Variants in SUCLG2 observed in about 807,000 individuals in gnomAD.
The protein encoded by SUCLG2 is succinate--CoA ligase [GDP-forming] subunit beta, mitochondrial.
In SUCLG2, 42 loss-of-function variants were observed where a neutral mutation model predicts 47.9. The observed-to-expected ratio is 0.88, with a 90% CI of 0.69 to 1.14. The LOEUF is 1.14. Among genes scored for constraint, SUCLG2 ranks in the 50% most tolerant of loss-of-function variants. The pLI is 0.00. For synonymous variants in SUCLG2, 195 were observed against 197.3 expected (o/e 0.99, Z 0.10); for missense variants, 571 against 525.9 (o/e 1.09, Z -0.84).
At chr3:67,598,185 T>C (rs1319468553) in intron 2 of SUCLG2, among the ~76,000 whole-genome samples, 2 of 151,984 alleles carry the variant, frequency 1.3e-5, no homozygotes, top group Admixed American at 1.3e-4. Flanking sequence ...TTTCACTGTG[T>C]TGCCCAGGCT....
intron 9 of SUCLG2, among the ~76,000 whole-genome samples, chr3:67,430,629 C>T (rs1703451466): frequency 3.3e-5 from 5 of 151,874 alleles, no homozygotes; most frequent in Admixed American, 2.0e-4. Context: ...CATAGAGACA[C>T]AAAAAACCCT....
At chr3:67,411,390 G>T (rs1702929091) in intron 9 of SUCLG2, among the ~76,000 whole-genome samples, 1 of 152,082 alleles carries the variant, frequency 6.6e-6, no homozygotes, top group African/African-American at 2.4e-5. Context: ...ATGATCCTGT[G>T]AGGTTTTAGG....
intron 3 of SUCLG2, 105 bp downstream of exon 3, chr3:67,528,982 C>T (rs572549713): frequency 7.8e-6 from 7 of 900,402 alleles, no homozygotes; most frequent in South Asian, 3.4e-5. Flanking sequence ...TGCTTTGGCC[C>T]GCTCCTACCC....
rs1182070706 is a variant in SUCLG2 at position 67,395,857 on chromosome 3, A to G, written c.1183+4874T>C. The stretch of plus-strand genomic sequence containing the variant: ...CAGTGCAATCAAACTAGAACTCAGG[A>G]TTAAGAAACTCACTCAAAACCGCTC... On this transcript the variant is annotated intron_variant, in intron 10 of 10. Coordinates refer to ENST00000307227, the MANE Select transcript of SUCLG2 (RefSeq NM_003848.4). Among the ~76,000 whole-genome samples, 6 of 152,240 alleles carry G rather than the reference A, an allele frequency of 3.9e-5. No individual in the cohort carries two copies. The East Asian group carries it at 1.2e-3, about 29-fold the overall frequency.
At chr3:67,411,700 C>A (rs1381745310) in intron 9 of SUCLG2, among the ~76,000 whole-genome samples, 1 of 152,126 alleles carries the variant, frequency 6.6e-6, no homozygotes, top group Non-Finnish European at 1.5e-5. Flanking sequence ...GTTTCCATTT[C>A]ATTTCCCCAA....
chr3:67,452,327 G>A (rs529440559), intron 9 of SUCLG2, among the ~76,000 whole-genome samples: 1 of 152,208 alleles, frequency 6.6e-6, no homozygotes, highest in South Asian at 2.1e-4. Context: ...TAAGTTTCAA[G>A]TATTTTCCAT....
chr3:67,487,511 CACACACAA>C (rs1705087443), intron 9 of SUCLG2, among the ~76,000 whole-genome samples: 1 of 151,690 alleles, frequency 6.6e-6, no homozygotes, highest in African/African-American at 2.4e-5. Flanking sequence ...CACACACACA[CACACACAA>C]ACACACACAC....
chr3:67,446,534 A>G (rs543385935), intron 9 of SUCLG2, among the ~76,000 whole-genome samples: 1 of 136,082 alleles, frequency 7.3e-6, no homozygotes, highest in South Asian at 2.4e-4. Flanking sequence ...GGGTTCAGGG[A>G]TTCTCCTGCC....
At chr3:67,650,710 T>G (rs1701271063) in intron 1 of SUCLG2, among the ~76,000 whole-genome samples, 2 of 151,984 alleles carry the variant, frequency 1.3e-5, no homozygotes, top group Non-Finnish European at 2.9e-5. Context: ...TGAGCCAAGA[T>G]CAGGCCACCG....
At chr3:67,557,439 C>T (rs1341510932) in intron 2 of SUCLG2, among the ~76,000 whole-genome samples, 2 of 152,168 alleles carry the variant, frequency 1.3e-5, no homozygotes, top group African/African-American at 4.8e-5. Flanking sequence ...CCAGTGCCCT[C>T]ACTGAGCCCA....
At chr3:67,484,592 T>C (rs1016624627) in intron 9 of SUCLG2, among the ~76,000 whole-genome samples, 1 of 151,950 alleles carries the variant, frequency 6.6e-6, no homozygotes, top group Non-Finnish European at 1.5e-5. Context: ...TTTTAAAGAA[T>C]ATGGAGCAAA....
intron 2 of SUCLG2, among the ~76,000 whole-genome samples, chr3:67,554,276 T>C (rs950923199): frequency 3.9e-5 from 6 of 152,212 alleles, no homozygotes; most frequent in African/African-American, 1.2e-4. Flanking sequence ...CTACCCTCTG[T>C]AAGGCTAAAG....
chr3:67,623,878 T>C (rs1032283441), intron 1 of SUCLG2, among the ~76,000 whole-genome samples: 5 of 152,218 alleles, frequency 3.3e-5, no homozygotes, highest in African/African-American at 9.6e-5. Context: ...CTAAAGAACC[T>C]ACGTGCACAT....
chr3:67,534,549 A>G (rs1706486961), intron 2 of SUCLG2, among the ~76,000 whole-genome samples: 1 of 151,786 alleles, frequency 6.6e-6, no homozygotes, highest in African/African-American at 2.4e-5. Context: ...ATAACCGTTA[A>G]TACACATTTT....
intron 9 of SUCLG2, among the ~76,000 whole-genome samples, chr3:67,422,494 A>AAAAAAAAAAAAAAAAAAC (rs1703189301): frequency 6.8e-6 from 1 of 147,434 alleles, no homozygotes; most frequent in African/African-American, 2.5e-5. Flanking sequence ...AAAAAAAAAA[A>AAAAAAAAAAAAAAAAAAC]AAAAAAAAAG....
chr3:67,508,639 G>C (rs1705704646), intron 7 of SUCLG2, among the ~76,000 whole-genome samples, 168 bp downstream of exon 7: 2 of 152,154 alleles, frequency 1.3e-5, no homozygotes, highest in South Asian at 4.1e-4. Flanking sequence ...ACAAACCTAA[G>C]TGCTGAAATG....
At chr3:67,408,253 C>G (rs756967070) in intron 9 of SUCLG2, among the ~76,000 whole-genome samples, 3 of 152,086 alleles carry the variant, frequency 2.0e-5, no homozygotes, top group Non-Finnish European at 4.4e-5. Flanking sequence ...ACTCATGTAC[C>G]TCCAAAATAG....
chr3:67,465,566 T>C (rs1210322160), intron 9 of SUCLG2, among the ~76,000 whole-genome samples: 2 of 152,190 alleles, frequency 1.3e-5, no homozygotes, highest in Non-Finnish European at 2.9e-5. Flanking sequence ...GCAGGCAGCA[T>C]GACTGGCTGC....
rs376790126 is a variant in SUCLG2 at position 67,422,447 on chromosome 3, C to G, written c.1063-21596G>C. 2.0e-4 allele frequency among the ~76,000 whole-genome samples: 20 copies of G among 102,046 alleles called. 1 individual carries two copies. The highest frequency in any genetic ancestry group is 6.9e-4 in the African/African-American group (19 of 27,460). The allele number at this position is 102,046 out of a possible 152,430, so 66.9% of individuals were successfully genotyped here. A position where few individuals can be genotyped will look rare whatever the true frequency, so the allele number is the denominator to read the frequency against. ...CCAAGATCGCGCCACTGCACTCCGG[C>G]CTGGTGACAGAGCGAGACTCCATCT... On this transcript the variant is annotated intron_variant, in intron 9 of 10. Transcript: ENST00000307227.
Sources: gnomAD v4.1 joint callset for allele counts (sites outside exome capture counted in the v4.1 genomes callset) on GRCh38, gnomAD v4.1.1 for gene constraint, MANE v1.5 for transcripts, NCBI Gene and HGNC (gene_info 2026-07-23, HGNC 2026-07-21) for gene names.